Variants in HS6ST3 observed in about 807,000 individuals in gnomAD.
HS6ST3 encodes the protein heparan-sulfate 6-O-sulfotransferase 3.
Under a neutral mutation model 36.7 loss-of-function variants are expected in HS6ST3, and 12 were observed. The ratio of observed to expected loss-of-function variants is 0.33; its 90% CI spans 0.21 to 0.53. HS6ST3 has a LOEUF of 0.53. HS6ST3 is among the 20% of genes least tolerant of loss of function. The pLI, the probability that HS6ST3 is intolerant of heterozygous loss-of-function variation, is 0.95. For synonymous variants in HS6ST3, 240 were observed against 257.5 expected, an observed-to-expected ratio of 0.93 and a Z score of 0.65; for missense variants, 584 against 640.9, an observed-to-expected ratio of 0.91 and a Z score of 0.96.
chr13:96,699,124 T>G (rs1408681631), intron 1 of HS6ST3, among the ~76,000 whole-genome samples: 1 of 152,194 alleles, frequency 6.6e-6, no homozygotes, highest in Non-Finnish European at 1.5e-5. Context: ...GACTTATATG[T>G]TAGACCTAAA....
intron 1 of HS6ST3, among the ~76,000 whole-genome samples, chr13:96,330,746 G>A (rs1401861418): frequency 6.6e-6 from 1 of 150,646 alleles, no homozygotes; most frequent in East Asian, 1.9e-4. Context: ...CTAGATTGGG[G>A]AAGTTCTCCT....
intron 1 of HS6ST3, among the ~76,000 whole-genome samples, chr13:96,815,127 T>A (rs1878393599): frequency 6.6e-6 from 1 of 152,200 alleles, no homozygotes; most frequent in South Asian, 2.1e-4. Context: ...AGTTCTGGAA[T>A]CTGGAAGTCC....
At chr13:96,703,525 A>G (rs1875342868) in intron 1 of HS6ST3, among the ~76,000 whole-genome samples, 1 of 152,232 alleles carries the variant, frequency 6.6e-6, no homozygotes, top group African/African-American at 2.4e-5. Flanking sequence ...ATATTTTCAT[A>G]TGTCTAAAGT....
At chr13:96,444,875 T>C (rs2055690686) in intron 1 of HS6ST3, among the ~76,000 whole-genome samples, 2 of 152,344 alleles carry the variant, frequency 1.3e-5, no homozygotes, top group South Asian at 4.1e-4. Flanking sequence ...AACAGCACTT[T>C]TACAGCTTTC....
At chr13:96,688,705 G>A (rs1050590746) in intron 1 of HS6ST3, among the ~76,000 whole-genome samples, 4 of 151,988 alleles carry the variant, frequency 2.6e-5, no homozygotes, top group Admixed American at 2.6e-4. Flanking sequence ...GACCTATTTA[G>A]CATAATGAAA....
chr13:96,474,452 G>A (rs192905933), intron 1 of HS6ST3, among the ~76,000 whole-genome samples: 6 of 152,148 alleles, frequency 3.9e-5, no homozygotes, highest in Non-Finnish European at 5.9e-5. Context: ...AAATATAGGG[G>A]CCTGGGAAGA....
chr13:96,198,316 G>A (rs2054324258), intron 1 of HS6ST3, among the ~76,000 whole-genome samples: 1 of 152,160 alleles, frequency 6.6e-6, no homozygotes, highest in Admixed American at 6.5e-5. Flanking sequence ...GGTCTCTGAT[G>A]TGGCCTGGAG....
chr13:96,211,229 C>G (rs1594717909), intron 1 of HS6ST3, among the ~76,000 whole-genome samples: 1 of 152,180 alleles, frequency 6.6e-6, no homozygotes, highest in African/African-American at 2.4e-5. Flanking sequence ...CATAATCCAG[C>G]ATCATTTCTA....
At chr13:96,793,407 G>A (rs1013708968) in intron 1 of HS6ST3, among the ~76,000 whole-genome samples, 2 of 152,014 alleles carry the variant, frequency 1.3e-5, no homozygotes, top group South Asian at 2.1e-4. Flanking sequence ...GAGGCTAGAC[G>A]TCTATAAACA....
chr13:96,625,371 A>C (rs1395401695), intron 1 of HS6ST3, among the ~76,000 whole-genome samples: 8 of 152,068 alleles, frequency 5.3e-5, no homozygotes, highest in Non-Finnish European at 1.2e-4. Context: ...AATTTCTTTG[A>C]GTATGTATCG....
chr13:96,121,105 G>A (rs2053923526), intron 1 of HS6ST3, among the ~76,000 whole-genome samples: 1 of 152,108 alleles, frequency 6.6e-6, no homozygotes, highest in Non-Finnish European at 1.5e-5. Flanking sequence ...AAGTTTATTT[G>A]CATACCTATC....
At chr13:96,265,576 A>T (rs2054688231) in intron 1 of HS6ST3, among the ~76,000 whole-genome samples, 1 of 152,208 alleles carries the variant, frequency 6.6e-6, no homozygotes, top group Admixed American at 6.5e-5. Flanking sequence ...TTTGGAATTT[A>T]AGAACTATAG....
intron 1 of HS6ST3, among the ~76,000 whole-genome samples, chr13:96,783,287 C>T (rs1479358793): frequency 6.6e-6 from 1 of 152,122 alleles, no homozygotes; most frequent in Non-Finnish European, 1.5e-5. Context: ...CCCTATATTG[C>T]GTTATGACTG....
At chr13:96,524,357 C>T (rs138991062) in intron 1 of HS6ST3, among the ~76,000 whole-genome samples, 1 of 152,272 alleles carries the variant, frequency 6.6e-6, no homozygotes, top group Non-Finnish European at 1.5e-5. Context: ...TGTCAGAGCT[C>T]GAACGCTGCA....
At chr13:96,722,260 G>T (rs558178761) in intron 1 of HS6ST3, among the ~76,000 whole-genome samples, 1 of 151,546 alleles carries the variant, frequency 6.6e-6, no homozygotes, top group East Asian at 1.9e-4. Flanking sequence ...GCGAGATTCC[G>T]TCTAAAAAAA....
intron 1 of HS6ST3, among the ~76,000 whole-genome samples, chr13:96,293,554 A>G (rs1429504307): frequency 3.3e-5 from 5 of 152,032 alleles, no homozygotes; most frequent in African/African-American, 1.2e-4. Context: ...ACACATATAT[A>G]TACACTCCCC....
intron 1 of HS6ST3, among the ~76,000 whole-genome samples, chr13:96,691,749 A>G (rs570782536): frequency 6.6e-6 from 1 of 152,174 alleles, no homozygotes; most frequent in African/African-American, 2.4e-5. Flanking sequence ...GCAAATTTGG[A>G]TGTGTAACCT....
intron 1 of HS6ST3, among the ~76,000 whole-genome samples, chr13:96,476,087 A>G (rs964703885): frequency 6.6e-6 from 1 of 152,174 alleles, no homozygotes; most frequent in African/African-American, 2.4e-5. Context: ...AGGTAGCTAC[A>G]TTTCTGTTAA....
intron 1 of HS6ST3, among the ~76,000 whole-genome samples, chr13:96,787,127 TG>T (rs1877671967): frequency 6.6e-6 from 1 of 152,178 alleles, no homozygotes; most frequent in East Asian, 1.9e-4. Context: ...ATTCACCTGT[TG>T]GGGGAGATTT....
Sources: allele counts gnomAD v4.1 joint callset (sites outside exome capture counted in the v4.1 genomes callset), GRCh38; gene constraint gnomAD v4.1.1; transcripts MANE v1.5; gene names NCBI Gene and HGNC (gene_info 2026-07-23, HGNC 2026-07-21).